Variants in CREB5 observed in about 807,000 individuals in gnomAD.
CREB5 encodes cAMP responsive element binding protein 5.
In CREB5, 19 loss-of-function variants were observed where a neutral mutation model predicts 57.1. The observed-to-expected ratio is 0.33, with a 90% CI of 0.23 to 0.49. CREB5 has a LOEUF of 0.49. Ranked by LOEUF, CREB5 falls within the 20% of genes least tolerant of loss-of-function variation. The pLI is 0.99. For synonymous variants in CREB5, 238 were observed against 238.3 expected (o/e 1.00, Z 0.01); for missense variants, 579 against 671.6 (o/e 0.86, Z 1.52).
In CREB5 at chr7:28,819,496, G is replaced by T. The variant is rs1043524936; in HGVS notation, c.*217G>T. ...ATTAATATCTATCAGCTTGGGAAAC[G>T]CTTTGGTGCTTTTCTCCAGTTTTCT... is the stretch of plus-strand genomic sequence containing the variant. On this transcript the variant is annotated 3_prime_UTR_variant, in exon 11 of 11. Coordinates refer to ENST00000357727, the MANE Select transcript of CREB5 (RefSeq NM_182898.4). 2.8e-5 allele frequency: 13 copies of T among 471,136 alleles called. No homozygotes were observed. Among genetic ancestry groups the T allele is most frequent in the South Asian group, 1.2e-4 (3 of 25,600 alleles). 29.2% of individuals were successfully genotyped at this position (471,136 alleles called of 1,614,324 possible). A position where few individuals can be genotyped will look rare whatever the true frequency, so the allele number is the denominator to read the frequency against.
chr7:28,774,787 G>A (rs1368355979), intron 7 of CREB5, among the ~76,000 whole-genome samples: 2 of 152,176 alleles, frequency 1.3e-5, no homozygotes, highest in South Asian at 2.1e-4. Context: ...AGGGCACTGC[G>A]ACAGTATGAG....
intron 1 of CREB5, among the ~76,000 whole-genome samples, chr7:28,397,451 C>G (rs889581300): frequency 2.6e-5 from 4 of 152,214 alleles, no homozygotes; most frequent in Admixed American, 1.3e-4. Flanking sequence ...CTGGAGTAGA[C>G]AGCATCTCCC....
chr7:28,413,092 ATGTGTGTGTGTGTG>A (rs10599936), intron 1 of CREB5, among the ~76,000 whole-genome samples, 175 bp downstream of exon 1: 1 of 147,212 alleles, frequency 6.8e-6, no homozygotes, highest in South Asian at 2.2e-4. Context: ...ATGTGGAAGG[ATGTGTGTGTGTGTG>A]TGTGTGTGTG....
At chr7:28,527,799 CAGAG>C (rs964510973) in intron 4 of CREB5, among the ~76,000 whole-genome samples, 5 of 152,126 alleles carry the variant, frequency 3.3e-5, no homozygotes, top group African/African-American at 9.7e-5. Context: ...GCCTGCGTGA[CAGAG>C]AGAGATCCTG....
chr7:28,501,181 A>AACAC (rs1792259543), intron 3 of CREB5, among the ~76,000 whole-genome samples: 1 of 152,198 alleles, frequency 6.6e-6, no homozygotes, highest in African/African-American at 2.4e-5. Flanking sequence ...ACATACTAAG[A>AACAC]ACACATTTTG....
intron 7 of CREB5, among the ~76,000 whole-genome samples, chr7:28,769,936 C>T (rs1009906495): frequency 5.9e-5 from 9 of 152,198 alleles, no homozygotes; most frequent in African/African-American, 1.9e-4. Context: ...ACAAAAGAGA[C>T]ATTTCTTGCC....
chr7:28,807,755 C>T (rs951956974), intron 8 of CREB5, among the ~76,000 whole-genome samples: 4 of 151,482 alleles, frequency 2.6e-5, no homozygotes, highest in Admixed American at 2.0e-4. Flanking sequence ...TAGGTATTAC[C>T]GTCATAAACC....
chr7:28,406,491 G>A (rs1222000242), intron 1 of CREB5, among the ~76,000 whole-genome samples: 1 of 152,204 alleles, frequency 6.6e-6, no homozygotes, highest in Non-Finnish European at 1.5e-5. Flanking sequence ...GATGAGCATC[G>A]GGAGAATCTT....
chr7:28,414,416 A>G (rs1242978135), intron 1 of CREB5, among the ~76,000 whole-genome samples: 1 of 152,170 alleles, frequency 6.6e-6, no homozygotes, highest in Non-Finnish European at 1.5e-5. Context: ...GTGTTTAAAA[A>G]TTTAAATCTA....
chr7:28,560,963 T>TGCATGCGCGTGC (rs1194418363), intron 4 of CREB5, among the ~76,000 whole-genome samples: 1 of 48,108 alleles, frequency 2.1e-5, no homozygotes, highest in African/African-American at 8.7e-5. Context: ...TGTGTGTGCG[T>TGCATGCGCGTGC]GTGTGTGTGC....
At chr7:28,567,727 G>A (rs1174532343) in intron 4 of CREB5, among the ~76,000 whole-genome samples, 1 of 152,232 alleles carries the variant, frequency 6.6e-6, no homozygotes. Flanking sequence ...TTAGAAAGCA[G>A]CATACAAGGC....
intron 5 of CREB5, among the ~76,000 whole-genome samples, chr7:28,598,326 A>T (rs310355): frequency 6.6e-6 from 1 of 151,984 alleles, no homozygotes; most frequent in Admixed American, 6.6e-5. Context: ...CTGTAAGTCC[A>T]ATTAAACCTC....
At chr7:28,440,797 G>T (rs2128560456) in intron 1 of CREB5, among the ~76,000 whole-genome samples, 1 of 152,266 alleles carries the variant, frequency 6.6e-6, no homozygotes, top group East Asian at 1.9e-4. Flanking sequence ...TTGTCATCAG[G>T]TGGCGTGGAG....
At chr7:28,749,277 A>G (rs1804847821) in intron 7 of CREB5, 1 of 152,228 alleles carries the variant, frequency 6.6e-6, no homozygotes, top group Non-Finnish European at 1.5e-5. Flanking sequence ...CCAGTGATTT[A>G]TTTTAATAAT....
At chr7:28,719,921 G>A (rs551839179) in intron 6 of CREB5, among the ~76,000 whole-genome samples, 77 of 152,252 alleles carry the variant, frequency 5.1e-4, no homozygotes, top group South Asian at 2.3e-3. Context: ...TTAGCTGGGC[G>A]TGGTGGCATG....
chr7:28,777,651 A>C (rs929299693), intron 7 of CREB5, among the ~76,000 whole-genome samples: 1 of 152,200 alleles, frequency 6.6e-6, no homozygotes, highest in African/African-American at 2.4e-5. Flanking sequence ...TTTGCCTGTC[A>C]AAAGTTCTGG....
At chr7:28,443,331 T>C (rs1325895452) in intron 1 of CREB5, among the ~76,000 whole-genome samples, 1 of 152,214 alleles carries the variant, frequency 6.6e-6, no homozygotes. Flanking sequence ...TCTTTTAATG[T>C]TGGGGGAAGC....
At chr7:28,698,984 A>G (rs989863673) in intron 5 of CREB5, among the ~76,000 whole-genome samples, 1 of 152,182 alleles carries the variant, frequency 6.6e-6, no homozygotes, top group Non-Finnish European at 1.5e-5. Context: ...TTTCATATGC[A>G]AAAGCACAGA....
At chr7:28,510,970 CA>C (rs1792678425) in intron 4 of CREB5, among the ~76,000 whole-genome samples, 2 of 152,110 alleles carry the variant, frequency 1.3e-5, no homozygotes. Context: ...CATCATTTTT[CA>C]TTCAAGAAAC....
Sources: allele counts gnomAD v4.1 joint callset (sites outside exome capture counted in the v4.1 genomes callset), GRCh38; gene constraint gnomAD v4.1.1; transcripts MANE v1.5; gene names NCBI Gene and HGNC (gene_info 2026-07-23, HGNC 2026-07-21).